The following AJM1 variants were observed in gnomAD, a reference collection of about 807,000 sequenced individuals.
AJM1 encodes the protein uncharacterized protein C9orf172.
Under a neutral mutation model 43.0 loss-of-function variants are expected in AJM1, and 22 were observed. That is an observed-to-expected ratio of 0.51 (90% confidence interval 0.37 to 0.73). AJM1 has a LOEUF of 0.73. Among genes scored for constraint, AJM1 ranks in the 30% least tolerant of loss-of-function variants. The probability of loss-of-function intolerance (pLI) is 0.00; values close to 1 mark genes in which losing one functional copy is unlikely to be tolerated. For missense variants in AJM1, 1,305 were observed against 1,343.3 expected (o/e 0.97, Z 0.45); for synonymous variants, 719 against 638.3 (o/e 1.13, Z -1.91).
Position 136,846,199 on chromosome 9 carries a change from C to A in AJM1, c.1785C>A (p.Ala595=). 6.6e-7 allele frequency: 1 copy of A among 1,506,636 alleles called. No individual in the cohort carries two copies. Among genetic ancestry groups the A allele is most frequent in the Non-Finnish European group, 8.8e-7 (1 of 1,135,398 alleles). 93.3% of individuals were successfully genotyped at this position (1,506,636 alleles called of 1,614,324 possible). A position where few individuals can be genotyped will look rare whatever the true frequency, so the allele number is the denominator to read the frequency against. ...TDLVIDSRPT[A]GQASEPAADC... The stretch of plus-strand genomic sequence containing the variant: ...TGGTCATCGACTCGCGACCCACCGC[C>A]GGCCAGGCCTCAGAGCCCGCGGCCG... Residue 595 remains alanine, a synonymous_variant, in exon 3 of 3, where the codon GCC becomes GCA. Transcript: ENST00000436881.
rs1423562698 is a variant in AJM1, at chr9:136,848,660, C to CCCG, written c.*1323_*1325dup. On this transcript the variant is annotated 3_prime_UTR_variant, in exon 3 of 3. Coordinates refer to ENST00000436881, the MANE Select transcript of AJM1 (RefSeq NM_001080482.5). ...ACCGGCCAGGCGTCCCGCTTGCCCACCCGCCGCCGCGCCCCGCGCCCCCTA... is the reference window on the plus strand; with the variant it reads ...ACCGGCCAGGCGTCCCGCTTGCCCACCCGCCGCCGCCGCGCCCCGCGCCCCCTA... 6.5e-6 allele frequency: 1 copy of CCCG among 153,076 alleles called. No individual in the cohort carries two copies. The highest frequency in any genetic ancestry group is 1.5e-5 in the Non-Finnish European group (1 of 68,180). The allele number at this position is 153,076 out of a possible 1,614,324, so 9.5% of individuals were successfully genotyped here.
Position 136,844,717 on chromosome 9 carries a change from G to C in AJM1, c.303G>C (p.Pro101=). The C allele has an allele frequency of 1.1e-6, 1 of 885,286 alleles. No homozygotes were observed. The highest frequency in any genetic ancestry group is 4.8e-5 in the East Asian group (1 of 20,762). The allele number at this position is 885,286 out of a possible 1,614,324, so 54.8% of individuals were successfully genotyped here. The change falls in exon 3 of 3, where the codon CCG becomes CCC. Residue 101 remains proline (P), a synonymous_variant. Transcript: ENST00000436881. ...CCAAGAGTGCGCCCCGCGCGCCCCC[G>C]GGCCTGACGCCCGCGCCCGCCTCGC... The part of the protein sequence containing the change: ...ARSKSAPRAP[P]GLTPAPASPP...
Position 136,846,309 on chromosome 9 carries a change from C to T in AJM1, c.1895C>T (p.Pro632Leu), listed in dbSNP as rs1848774001. 5 of 1,188,990 alleles carry T rather than the reference C, an allele frequency of 4.2e-6. No homozygotes were observed. The highest frequency in any genetic ancestry group is 6.5e-5 in the South Asian group (2 of 30,938). The allele number at this position is 1,188,990 out of a possible 1,614,324, so 73.7% of individuals were successfully genotyped here. Residue 632 changes from proline (P) to leucine (L), a missense_variant, in exon 3 of 3, where the codon CCC becomes CTC. Coordinates refer to ENST00000436881, the MANE Select transcript of AJM1 (RefSeq NM_001080482.5). ...CCCGCGCTGGCGCCGCCACGCTCGC[C>T]CCCCGCCTCGGCCGGCAGCGCCGAG... ...GAPALAPPRSPPASAGSAEEP... is the reference protein window; with the variant it reads ...GAPALAPPRSLPASAGSAEEP...
In AJM1 at chr9:136,844,550, A is replaced by G. The variant is rs1848740413; in HGVS notation, c.136A>G (p.Asn46Asp). The change falls in exon 3 of 3, where the codon AAC (asparagine) becomes GAC (aspartate). Residue 46 changes from asparagine to aspartate, a missense_variant. Physicochemically the swap from Asn to Asp is conservative, Grantham distance 23. Coordinates refer to ENST00000436881, the MANE Select transcript of AJM1 (RefSeq NM_001080482.5). ...CCGGCCTGCTGAGCCCGCGCCTTTC[A>G]ACAAGCGCCACTGCCGCAGCTTCGA... ...VARPAEPAPFNKRHCRSFDFL... is the reference protein window; with the variant it reads ...VARPAEPAPFDKRHCRSFDFL... The G allele has an allele frequency of 6.2e-7, 1 of 1,605,248 alleles. No homozygotes were observed. Among genetic ancestry groups the G allele is most frequent in the African/African-American group, 1.3e-5 (1 of 74,566 alleles).
chr9:136,845,170 C>G lies in AJM1; in HGVS notation c.756C>G (p.Phe252Leu). 1 of 1,587,784 alleles carries G rather than the reference C, an allele frequency of 6.3e-7. No homozygotes were observed. Residue 252 changes from phenylalanine to leucine, a missense_variant, in exon 3 of 3, where the codon TTC becomes TTG. Coordinates refer to ENST00000436881, the MANE Select transcript of AJM1 (RefSeq NM_001080482.5). ...CATACTGTGCGGATCCCCGGGCGTT[C>G]TACTGCGACGGGCCCCTGCCTGGGC... is the stretch of plus-strand genomic sequence containing the variant. ...SDSYCADPRA[F>L]YCDGPLPGPR...
intron 1 of AJM1, among the ~76,000 whole-genome samples, 135 bp from the exon 2 acceptor site, chr9:136,844,061 T>G (rs1339176789): frequency 1.3e-5 from 2 of 152,074 alleles, no homozygotes; most frequent in Non-Finnish European, 2.9e-5. Flanking sequence ...GGGGAGGCCC[T>G]GGAGCTTCAC....
rs1181106544 is a variant in AJM1 at position 136,845,537 on chromosome 9, T to C, written c.1123T>C (p.Tyr375His). 1.3e-6 allele frequency: 2 copies of C among 1,597,562 alleles called. No individual in the cohort carries two copies. The highest frequency in any genetic ancestry group is 1.7e-6 in the Non-Finnish European group (2 of 1,173,270). The change falls in exon 3 of 3, where the codon TAC becomes CAC. Residue 375 changes from tyrosine to histidine, a missense_variant. Tyr to His is a moderately conservative substitution (Grantham distance 83). This residue lies in a region of AJM1 where 653 missense variants were observed against 549.1 expected (regional missense o/e 1.19). Coordinates refer to ENST00000436881, the MANE Select transcript of AJM1 (RefSeq NM_001080482.5). ...GGCCCACTCCACCGCCCGCCCCTTT[T>C]ACACGGAGGACTTCGGAAGGTACCG... ...PRAHSTARPF[Y>H]TEDFGRYRER...
rs1033950941 is a variant in AJM1, at chr9:136,845,165, G to A, written c.751G>A (p.Ala251Thr). 16 of 1,586,078 alleles carry A rather than the reference G, an allele frequency of 1.0e-5. No individual in the cohort carries two copies. Among genetic ancestry groups the A allele is most frequent in the Non-Finnish European group, 1.3e-5 (15 of 1,174,020 alleles). The part of the protein sequence containing the change: ...PSDSYCADPR[A>T]FYCDGPLPGP... ...CGACTCATACTGTGCGGATCCCCGG[G>A]CGTTCTACTGCGACGGGCCCCTGCC... Residue 251 changes from alanine (A) to threonine (T), a missense_variant, in exon 3 of 3, where the codon GCG becomes ACG. Coordinates refer to ENST00000436881, the MANE Select transcript of AJM1 (RefSeq NM_001080482.5).
Position 136,844,667 on chromosome 9 carries a change from G to C in AJM1, c.253G>C (p.Ala85Pro). The C allele has an allele frequency of 4.9e-6, 7 of 1,430,258 alleles. No individual in the cohort carries two copies. The highest frequency in any genetic ancestry group is 6.4e-6 in the Non-Finnish European group (7 of 1,085,782). The allele number at this position is 1,430,258 out of a possible 1,614,324, so 88.6% of individuals were successfully genotyped here. ...SAVPRARTREAEPRRRARSKS... is the reference protein window; with the variant it reads ...SAVPRARTREPEPRRRARSKS... ...TGTGCCGCGCGCCCGGACCCGCGAA[G>C]CCGAGCCACGCCGCCGCGCCCGCTC... The change falls in exon 3 of 3, where the codon GCC (alanine) becomes CCC (proline). Residue 85 changes from alanine (A) to proline (P), a missense_variant. Coordinates refer to ENST00000436881, the MANE Select transcript of AJM1 (RefSeq NM_001080482.5).
Position 136,847,342 on chromosome 9 carries a change from G to A in AJM1, c.2928G>A (p.Met976Ile), listed in dbSNP as rs1206189870. 5 of 1,512,040 alleles carry A rather than the reference G, an allele frequency of 3.3e-6. No individual in the cohort carries two copies. In the East Asian group the frequency reaches 1.0e-4, roughly 31 times the overall value. 93.7% of individuals were successfully genotyped at this position (1,512,040 alleles called of 1,614,324 possible). ...GCGCCAACCTGCTGGACGACATCAT[G>A]TGAGGCGCCGGGCCCACCAGGCCTA... Reference protein sequence around the residue: ...VASANLLDDIM With the variant: ...VASANLLDDII The change falls in exon 3 of 3, where the codon ATG (methionine) becomes ATA (isoleucine). Residue 976 changes from methionine to isoleucine, a missense_variant. By Grantham distance (10) the Met-to-Ile change is conservative (BLOSUM62 1). This residue lies in a region of AJM1 where 116 missense variants were observed against 113.4 expected (regional missense o/e 1.02). Transcript: ENST00000436881.
rs1848780179 is a variant in AJM1, at chr9:136,846,663, G to A, written c.2249G>A (p.Gly750Asp). The change falls in exon 3 of 3, where the codon GGC (glycine) becomes GAC (aspartate). Residue 750 changes from glycine to aspartate, a missense_variant. By Grantham distance (94) the Gly-to-Asp change is moderately conservative. This residue lies in a region of AJM1 where 391 missense variants were observed against 507.5 expected (regional missense o/e 0.77). Coordinates refer to ENST00000436881, the MANE Select transcript of AJM1 (RefSeq NM_001080482.5). The stretch of plus-strand genomic sequence containing the variant: ...GTCGGCTTCCTGTCGCGCGGCCGCG[G>A]CGTGCTCTTCCTGGGCTTCCCAAGT... ...ARVGFLSRGR[G>D]VLFLGFPSPG... The A allele has an allele frequency of 6.2e-7, 1 of 1,600,562 alleles. No individual in the cohort carries two copies.
chr9:136,847,627 C>G lies in AJM1; in HGVS notation c.*282C>G. On this transcript the variant is annotated 3_prime_UTR_variant, in exon 3 of 3. Transcript: ENST00000436881. ...CCCCTCTCCCTCCTCCGGGCCTCCTCCCTCTCCCAGCTCGCCCTCGAGGAT... is the reference window on the plus strand; with the variant it reads ...CCCCTCTCCCTCCTCCGGGCCTCCTGCCTCTCCCAGCTCGCCCTCGAGGAT... 2.5e-6 allele frequency: 1 copy of G among 403,954 alleles called. No homozygotes were observed. Among genetic ancestry groups the G allele is most frequent in the Non-Finnish European group, 4.4e-6 (1 of 228,006 alleles). 25.0% of individuals were successfully genotyped at this position (403,954 alleles called of 1,614,324 possible). A position where few individuals can be genotyped will look rare whatever the true frequency, so the allele number is the denominator to read the frequency against.
In AJM1 at chr9:136,846,074, C is replaced by T; in HGVS notation, c.1660C>T (p.Pro554Ser). Residue 554 changes from proline to serine, a missense_variant, in exon 3 of 3, where the codon CCC becomes TCC. Around this residue, in one of 6 missense-constraint regions of AJM1, gnomAD observed 653 missense variants for 549.1 expected, o/e 1.19. Transcript: ENST00000436881. ...ERPSARAWELPGGRTRPPPHA... is the reference protein window; with the variant it reads ...ERPSARAWELSGGRTRPPPHA... ...CCCGAGCGCCAGGGCCTGGGAGTTG[C>T]CCGGGGGCCGCACGCGGCCACCTCC... 1 of 1,533,580 alleles carries T rather than the reference C, an allele frequency of 6.5e-7. No individual in the cohort carries two copies. The highest frequency in any genetic ancestry group is 8.7e-7 in the Non-Finnish European group (1 of 1,143,232). The allele number at this position is 1,533,580 out of a possible 1,614,324, so 95.0% of individuals were successfully genotyped here.
In AJM1 at chr9:136,844,850, C is replaced by A; in HGVS notation, c.436C>A (p.Leu146Met). The stretch of plus-strand genomic sequence containing the variant: ...GGCGCTCCGCGCCCTTGCCAACGAG[C>A]TGCATCCCATCAAGTTGCAGCCGCA... ...YPALRALANELHPIKLQPQRG... is the reference protein window; with the variant it reads ...YPALRALANEMHPIKLQPQRG... The change falls in exon 3 of 3, where the codon CTG becomes ATG. Residue 146 changes from leucine (L) to methionine (M), a missense_variant. Transcript: ENST00000436881. 1 of 238,864 alleles carries A rather than the reference C, an allele frequency of 4.2e-6. No homozygotes were observed. The highest frequency in any genetic ancestry group is 8.3e-6 in the Non-Finnish European group (1 of 120,374). The allele number at this position is 238,864 out of a possible 1,614,324, so 14.8% of individuals were successfully genotyped here. A position where few individuals can be genotyped will look rare whatever the true frequency, so the allele number is the denominator to read the frequency against.
chr9:136,843,522 T>C (rs1848730254), intron 1 of AJM1, among the ~76,000 whole-genome samples: 1 of 152,234 alleles, frequency 6.6e-6, no homozygotes, highest in Non-Finnish European at 1.5e-5. Context: ...CTCGATGGCT[T>C]GGGACTGCCT....
intron 1 of AJM1, among the ~76,000 whole-genome samples, chr9:136,842,995 G>T (rs1460773528): frequency 5.4e-5 from 8 of 149,416 alleles, no homozygotes; most frequent in African/African-American, 1.7e-4. Flanking sequence ...CGGGTGGGGT[G>T]GAGGGGGGAG....
In AJM1 at chr9:136,845,912, C is replaced by A. The variant is rs747136344; in HGVS notation, c.1498C>A (p.Pro500Thr). The A allele has an allele frequency of 6.4e-7, 1 of 1,558,188 alleles. No individual in the cohort carries two copies. The highest frequency in any genetic ancestry group is 1.2e-5 in the South Asian group (1 of 84,702). Residue 500 changes from proline (P) to threonine (T), a missense_variant, in exon 3 of 3, where the codon CCC becomes ACC. Physicochemically the swap from Pro to Thr is conservative, Grantham distance 38. This residue lies in a region of AJM1 where 653 missense variants were observed against 549.1 expected (regional missense o/e 1.19). Transcript: ENST00000436881. ...CGTCGTCGTGAACCTGTCCACCTCT[C>A]CCAGACGCTACGCCGCACTGTCCCT... ...PPVVVNLSTSPRRYAALSLSE... is the reference protein window; with the variant it reads ...PPVVVNLSTSTRRYAALSLSE...
Position 136,845,243 on chromosome 9 carries a change from G to C in AJM1, c.829G>C (p.Gly277Arg). 2 of 1,600,752 alleles carry C rather than the reference G, an allele frequency of 1.2e-6. No homozygotes were observed. Among genetic ancestry groups the C allele is most frequent in the Non-Finnish European group, 1.7e-6 (2 of 1,178,256 alleles). ...CAGTCTGCCCTTCACCACCCCGCCG[G>C]GCCCCACCCAGTTCTTCTATACAGA... ...RRSLPFTTPP[G>R]PTQFFYTEEP... The change falls in exon 3 of 3, where the codon GGC becomes CGC. Residue 277 changes from glycine to arginine, a missense_variant. Physicochemically the swap from Gly to Arg is moderately radical, Grantham distance 125. Transcript: ENST00000436881.
chr9:136,847,588 C>T lies in AJM1; in HGVS notation c.*243C>T. On this transcript the variant is annotated 3_prime_UTR_variant, in exon 3 of 3. Transcript: ENST00000436881. The stretch of plus-strand genomic sequence containing the variant: ...GTGTTCCTCACAGGCCCTTCGCCTT[C>T]CCACCCCCAGCAACCCCTCTCCCTC... 1 of 405,566 alleles carries T rather than the reference C, an allele frequency of 2.5e-6. No homozygotes were observed. Among genetic ancestry groups the T allele is most frequent in the South Asian group, 7.9e-5 (1 of 12,668 alleles). The allele number at this position is 405,566 out of a possible 1,614,324, so 25.1% of individuals were successfully genotyped here.
Sources: gnomAD v4.1 joint callset for allele counts (sites outside exome capture counted in the v4.1 genomes callset) on GRCh38, gnomAD v4.1.1 for gene constraint, gnomAD v4.1.1 regional missense constraint, MANE v1.5 for transcripts, NCBI Gene and HGNC (gene_info 2026-07-23, HGNC 2026-07-21) for gene names.